Variants in ABLIM1 observed in about 807,000 individuals in gnomAD.
ABLIM1 encodes actin-binding LIM protein 1.
In ABLIM1, 40 loss-of-function variants were observed where a neutral mutation model predicts 107.0. That is an observed-to-expected ratio of 0.37 (90% CI 0.29 to 0.49). The LOEUF (loss-of-function observed/expected upper bound fraction) is 0.49. Among genes scored for constraint, ABLIM1 ranks in the 20% least tolerant of loss-of-function variants. The pLI is 0.97. For missense variants in ABLIM1, 857 were observed against 1,008.5 expected (o/e 0.85, Z 2.04); for synonymous variants, 357 against 357.3 (o/e 1.00, Z 0.01).
chr10:114,794,280 A>G, the ABLIM1 span, among the ~76,000 whole-genome samples: 1 of 152,144 alleles, frequency 6.6e-6, no homozygotes, highest in Non-Finnish European at 1.5e-5. Context: ...TCACCATTTG[A>G]TATATTATAT....
chr10:114,630,762 C>T (rs1032143079), intron 1 of ABLIM1, among the ~76,000 whole-genome samples: 5 of 152,058 alleles, frequency 3.3e-5, no homozygotes, highest in Admixed American at 2.6e-4. Flanking sequence ...AGTAGATGTC[C>T]GTGTTTGGGG....
intron 14 of ABLIM1, among the ~76,000 whole-genome samples, chr10:114,450,598 G>A (rs1647132661): frequency 6.7e-6 from 1 of 150,130 alleles, no homozygotes; most frequent in Non-Finnish European, 1.5e-5. Context: ...ACCACGCCCA[G>A]CTAACTTTTT....
At position 114,465,726 on chromosome 10, in the gene ABLIM1, G is replaced by C. The variant is rs2065008396; in HGVS notation, c.1413C>G (p.Ser471=). The C allele has an allele frequency of 6.2e-7, 1 of 1,614,152 alleles. No individual in the cohort carries two copies. Among genetic ancestry groups the C allele is most frequent in the Non-Finnish European group, 8.5e-7 (1 of 1,180,016 alleles). ...GTCTGTGGAAATGCTGGGGAGAGCG[G>C]GACGTGGTTGGAGTGTAGCTGTGGC... ...YSRHSYTPTT[S]RSPQHFHRPG... Residue 471 remains serine, a synonymous_variant, in exon 12 of 23, where the codon TCC becomes TCG. Transcript: ENST00000533213.
At chr10:114,698,185 A>G (rs1236433306) in intron 1 of ABLIM1, among the ~76,000 whole-genome samples, 1 of 152,134 alleles carries the variant, frequency 6.6e-6, no homozygotes, top group African/African-American at 2.4e-5. Flanking sequence ...GAAAAGAACT[A>G]AATAAAAATT....
chr10:114,475,630 T>G (rs970547282), intron 8 of ABLIM1, among the ~76,000 whole-genome samples: 52 of 152,298 alleles, frequency 3.4e-4, no homozygotes, highest in Admixed American at 3.4e-3. Flanking sequence ...AATTACACGA[T>G]TTGAGCCTAA....
intron 1 of ABLIM1, among the ~76,000 whole-genome samples, chr10:114,737,862 A>G (rs1566289256): frequency 6.6e-6 from 1 of 152,142 alleles, no homozygotes; most frequent in African/African-American, 2.4e-5. Context: ...CAGCCTCAGA[A>G]CCACTCTAGT....
intron 1 of ABLIM1, among the ~76,000 whole-genome samples, chr10:114,710,157 CAG>C (rs773153875): frequency 1.3e-5 from 2 of 152,174 alleles, no homozygotes; most frequent in Non-Finnish European, 2.9e-5. Context: ...CCAACAGATC[CAG>C]AGTTAGAGTG....
chr10:114,699,163 A>G (rs565596656), intron 1 of ABLIM1, among the ~76,000 whole-genome samples: 170 of 152,040 alleles, frequency 1.1e-3, no homozygotes, highest in African/African-American at 3.8e-3. Context: ...AATCTGTATA[A>G]AAAACCATAA....
chr10:114,736,622 T>A (rs2082185734), intron 1 of ABLIM1, among the ~76,000 whole-genome samples: 2 of 152,310 alleles, frequency 1.3e-5, no homozygotes, highest in South Asian at 4.1e-4. Context: ...GACAGGGTAG[T>A]CTGAAAATAT....
chr10:114,747,342 T>C (rs1278834931), intron 1 of ABLIM1, among the ~76,000 whole-genome samples: 2 of 152,202 alleles, frequency 1.3e-5, no homozygotes, highest in African/African-American at 2.4e-5. Context: ...GCTTTCTGCA[T>C]GGGAGAGCCA....
At chr10:114,471,504 C>T (rs1482147321) in intron 10 of ABLIM1, among the ~76,000 whole-genome samples, 2 of 152,136 alleles carry the variant, frequency 1.3e-5, no homozygotes, top group African/African-American at 2.4e-5. Context: ...GGCCAATGCA[C>T]CTGCGCTTGA....
intron 4 of ABLIM1, among the ~76,000 whole-genome samples, chr10:114,554,554 C>T (rs1338251678): frequency 2.0e-5 from 3 of 152,058 alleles, no homozygotes; most frequent in Non-Finnish European, 2.9e-5. Context: ...AATAGCGAGG[C>T]GTGGCAGCGC....
At chr10:114,456,259 A>G (rs1288197201) in intron 12 of ABLIM1, among the ~76,000 whole-genome samples, 1 of 152,208 alleles carries the variant, frequency 6.6e-6, no homozygotes, top group Non-Finnish European at 1.5e-5. Flanking sequence ...AATGATGATG[A>G]TAAGTAAAGA....
rs532476757 is a variant in ABLIM1 at position 114,731,896 on chromosome 10, C to T, written c.-213+36165G>A. Among the ~76,000 whole-genome samples the T allele has an allele frequency of 4.1e-3, 623 of 152,326 alleles. 3 individuals are homozygous for T. The highest frequency in any genetic ancestry group is 5.7e-3 in the Non-Finnish European group (387 of 68,034). On this transcript the variant is annotated intron_variant, in intron 1 of 15. Coordinates refer to the ABLIM1 transcript ENST00000651092. ...AAGTGCTGGGATTACAGGCGTGAGC[C>T]ACCACGCCTAGTGCATAATGTTTTC...
At chr10:114,508,509 G>A (rs771555482) in intron 6 of ABLIM1, among the ~76,000 whole-genome samples, 14 of 152,166 alleles carry the variant, frequency 9.2e-5, no homozygotes, top group Non-Finnish European at 1.5e-4. Context: ...CACCAGCCTG[G>A]GCAACACAGC....
chr10:114,491,951 G>T, intron 6 of ABLIM1, 73 bp from the exon 7 acceptor site: 2 of 1,229,756 alleles, frequency 1.6e-6, no homozygotes, highest in Non-Finnish European at 2.3e-6. Flanking sequence ...TGGACTTGAT[G>T]ATTTAGAAGA....
chr10:114,693,179 C>T (rs1473120821), intron 1 of ABLIM1, among the ~76,000 whole-genome samples: 3 of 152,112 alleles, frequency 2.0e-5, no homozygotes, highest in Non-Finnish European at 4.4e-5. Flanking sequence ...AGGGATGCAG[C>T]GCGGGGAAGG....
intron 12 of ABLIM1, among the ~76,000 whole-genome samples, chr10:114,464,936 T>C (rs557275229): frequency 1.3e-5 from 2 of 152,336 alleles, no homozygotes; most frequent in East Asian, 1.9e-4. Context: ...ATCTTGGATC[T>C]GTACTGGGAT....
intron 8 of ABLIM1, among the ~76,000 whole-genome samples, chr10:114,483,865 A>C (rs2057767283): frequency 6.6e-6 from 1 of 152,186 alleles, no homozygotes; most frequent in East Asian, 1.9e-4. Context: ...AGTCGCTTCT[A>C]GTTTAACAGG....
Sources: allele counts gnomAD v4.1 joint callset (sites outside exome capture counted in the v4.1 genomes callset), GRCh38; gene constraint gnomAD v4.1.1; transcripts MANE v1.5; gene names NCBI Gene and HGNC (gene_info 2026-07-23, HGNC 2026-07-21).